The following SETD2 variants were observed in gnomAD, a reference collection of about 807,000 sequenced individuals.
SETD2 encodes the protein histone-lysine N-methyltransferase SETD2.
SETD2 carries 31 observed loss-of-function variants against 242.1 expected under a neutral mutation model. The observed-to-expected ratio is 0.13, with a 90% CI of 0.10 to 0.17. The LOEUF (loss-of-function observed/expected upper bound fraction) is 0.17, where lower values mean the gene tolerates loss of function less well. SETD2 is among the 10% of genes least tolerant of loss of function. The probability of loss-of-function intolerance (pLI) is 1.00; values close to 1 mark genes in which losing one functional copy is unlikely to be tolerated. For synonymous variants in SETD2, 1,006 were observed against 1,066.5 expected (o/e 0.94, Z 1.11); for missense variants, 2,481 against 3,046.3 (o/e 0.81, Z 4.37).
At chr3:47,093,231 A>C (rs1422157372) in intron 9 of SETD2, among the ~76,000 whole-genome samples, 1 of 150,936 alleles carries the variant, frequency 6.6e-6, no homozygotes, top group Non-Finnish European at 1.5e-5. Flanking sequence ...TATCCATGTT[A>C]CTGTATGCAG....
At chr3:47,083,684 A>C (rs1040955994) in intron 12 of SETD2, 36 bp downstream of exon 12, 2 of 1,554,902 alleles carry the variant, frequency 1.3e-6, no homozygotes, top group African/African-American at 1.4e-5. Flanking sequence ...AAACCTGAGT[A>C]ATTCAAGTTG....
At chr3:47,096,928 TTTTTTAAC>T (rs1369869410) in intron 9 of SETD2, among the ~76,000 whole-genome samples, 12 of 152,286 alleles carry the variant, frequency 7.9e-5, no homozygotes, top group East Asian at 5.8e-4. Flanking sequence ...TTCCAATGCT[TTTTTTAAC>T]TTTTTTTAAC....
At chr3:47,041,035 T>C (rs2039254954) in intron 17 of SETD2, among the ~76,000 whole-genome samples, 1 of 152,170 alleles carries the variant, frequency 6.6e-6, no homozygotes, top group African/African-American at 2.4e-5. Context: ...TTAGTGTCCC[T>C]AAGGATGCCC....
intron 18 of SETD2, among the ~76,000 whole-genome samples, chr3:47,031,893 A>C (rs374502849): frequency 1.3e-4 from 20 of 152,358 alleles, no homozygotes; most frequent in East Asian, 9.6e-4. Flanking sequence ...ACATATAACA[A>C]TAATATAATT....
At chr3:47,065,183 C>G (rs2040508587) in intron 13 of SETD2, among the ~76,000 whole-genome samples, 1 of 152,156 alleles carries the variant, frequency 6.6e-6, no homozygotes, top group African/African-American at 2.4e-5. Context: ...TTGCCCAGTC[C>G]TGCCTTCTTT....
chr3:47,136,431 T>C (rs1437648007), intron 1 of SETD2, among the ~76,000 whole-genome samples: 1 of 152,136 alleles, frequency 6.6e-6, no homozygotes, highest in Admixed American at 6.5e-5. Flanking sequence ...TGCTTCTCGA[T>C]AATAAAATGA....
At chr3:47,107,260 AT>A (rs966952466) in intron 5 of SETD2, among the ~76,000 whole-genome samples, 2 of 152,280 alleles carry the variant, frequency 1.3e-5, no homozygotes, top group East Asian at 3.9e-4. Flanking sequence ...AATGAAAGAA[AT>A]TTTTTTAATG....
intron 1 of SETD2, among the ~76,000 whole-genome samples, chr3:47,144,421 G>A (rs1021532276): frequency 6.6e-6 from 1 of 151,296 alleles, no homozygotes; most frequent in Non-Finnish European, 1.5e-5. Flanking sequence ...GGCGAATCAC[G>A]AGGTCAAGAG....
chr3:47,103,091 T>A (rs747451511), intron 7 of SETD2, among the ~76,000 whole-genome samples: 36 of 152,204 alleles, frequency 2.4e-4, no homozygotes, highest in African/African-American at 4.6e-4. Flanking sequence ...CTGGATCTGA[T>A]CCTTTTATTA....
intron 18 of SETD2, among the ~76,000 whole-genome samples, chr3:47,028,305 T>G (rs2038597611): frequency 6.6e-6 from 1 of 152,142 alleles, no homozygotes; most frequent in East Asian, 1.9e-4. Flanking sequence ...GAGTTCTCAG[T>G]GAGCTAAGGA....
At chr3:47,099,675 T>G (rs1367444074) in intron 8 of SETD2, among the ~76,000 whole-genome samples, 1 of 152,152 alleles carries the variant, frequency 6.6e-6, no homozygotes, top group African/African-American at 2.4e-5. Context: ...AGTAGCAAGG[T>G]CATGCCTCCC....
chr3:47,022,119 C>T (rs778867450), intron 18 of SETD2, among the ~76,000 whole-genome samples: 2 of 151,204 alleles, frequency 1.3e-5, no homozygotes, highest in Admixed American at 6.6e-5. Context: ...CGTTTGAACC[C>T]GGGAGAGGTG....
intron 14 of SETD2, 62 bp downstream of exon 14, chr3:47,062,101 G>A (rs2040358012): frequency 6.9e-7 from 1 of 1,455,666 alleles, no homozygotes; most frequent in South Asian, 1.2e-5. Context: ...TATATGACTT[G>A]GGTACTTTTT....
rs6796908 is a variant in SETD2 at position 47,096,597 on chromosome 3, G to C, written c.5142+1358C>G. Among the ~76,000 whole-genome samples the C allele has an allele frequency of 3.7e-4, 8 of 21,380 alleles. No homozygotes were observed. In the East Asian group the frequency reaches 0.013, roughly 36 times the overall value. 14.0% of individuals were successfully genotyped at this position (21,380 alleles called of 152,430 possible). On this transcript the variant is annotated intron_variant, in intron 9 of 20. Coordinates refer to ENST00000409792, the MANE Select transcript of SETD2 (RefSeq NM_014159.7). ...AAAAAAAAAAAAAAAAAAAAAAAAA[G>C]GGGGGCTGGGCACTGTGGCTCATGC...
At chr3:47,084,657 C>T (rs1407116458) in intron 11 of SETD2, among the ~76,000 whole-genome samples, 1 of 151,868 alleles carries the variant, frequency 6.6e-6, no homozygotes, top group African/African-American at 2.4e-5. Context: ...AACTCCTGAC[C>T]TCAAGTGATC....
intron 1 of SETD2, among the ~76,000 whole-genome samples, chr3:47,134,703 C>T (rs2043554629): frequency 6.6e-6 from 1 of 151,862 alleles, no homozygotes; most frequent in Non-Finnish European, 1.5e-5. Flanking sequence ...GATCTTGGCT[C>T]ACTGCAATCT....
chr3:47,064,782 T>A (rs1043314920), intron 13 of SETD2, among the ~76,000 whole-genome samples: 9 of 147,652 alleles, frequency 6.1e-5, no homozygotes, highest in African/African-American at 2.2e-4. Flanking sequence ...ATATATAAAA[T>A]ATATAAAATA....
chr3:47,065,102 C>T (rs934533918), intron 13 of SETD2, among the ~76,000 whole-genome samples: 12 of 152,226 alleles, frequency 7.9e-5, no homozygotes, highest in African/African-American at 2.6e-4. Context: ...ATAGTTTTAA[C>T]TCAGTGATCC....
At chr3:47,113,090 G>A (rs1308248042) in intron 5 of SETD2, among the ~76,000 whole-genome samples, 3 of 144,356 alleles carry the variant, frequency 2.1e-5, no homozygotes, top group African/African-American at 7.9e-5. Context: ...GATATGCTCA[G>A]GTATTCTCTT....
Sources: gnomAD v4.1 joint callset for allele counts (sites outside exome capture counted in the v4.1 genomes callset) on GRCh38, gnomAD v4.1.1 for gene constraint, MANE v1.5 for transcripts, NCBI Gene and HGNC (gene_info 2026-07-23, HGNC 2026-07-21) for gene names.